NLN: variants seen among roughly 807,000 people sequenced by gnomAD.
NLN encodes the protein neurolysin, mitochondrial.
In NLN, 64 loss-of-function variants were observed where a neutral mutation model predicts 79.9. That is an observed-to-expected ratio of 0.80 (90% confidence interval 0.65 to 0.99). The LOEUF is 0.99. NLN is among the 50% of genes least tolerant of loss of function. The probability of loss-of-function intolerance (pLI) is 0.00; values close to 1 mark genes in which losing one functional copy is unlikely to be tolerated. For missense variants in NLN, 835 were observed against 858.7 expected (o/e 0.97, Z 0.34); for synonymous variants, 267 against 296.6 (o/e 0.90, Z 1.02).
Position 65,747,393 on chromosome 5 carries a change from C to A in NLN, c.42-11174C>A, listed in dbSNP as rs538966193. ...GATATAATAGTATCAAAACCCATAG[C>A]TCTGTTCAGAGCCTGCTATGAGAAT... On this transcript the variant is annotated intron_variant, in intron 1 of 12. Transcript: ENST00000380985. Among the ~76,000 whole-genome samples the A allele has an allele frequency of 4.6e-5, 7 of 152,296 alleles. No individual in the cohort carries two copies. The South Asian group carries it at 1.4e-3, about 32-fold the overall frequency.
chr5:65,793,818 C>T (rs1227362390), intron 9 of NLN, among the ~76,000 whole-genome samples: 1 of 152,006 alleles, frequency 6.6e-6, no homozygotes, highest in Non-Finnish European at 1.5e-5. Context: ...ATAAGGATTG[C>T]CTGTATACCC....
chr5:65,788,028 A>C, intron 7 of NLN, 90 bp from the exon 8 acceptor site: 1 of 1,285,904 alleles, frequency 7.8e-7, no homozygotes, highest in Non-Finnish European at 1.1e-6. Flanking sequence ...ACTGCAAAGG[A>C]GGAAGCACCA....
At chr5:65,799,090 C>G (rs1760228490) in intron 9 of NLN, among the ~76,000 whole-genome samples, 1 of 152,154 alleles carries the variant, frequency 6.6e-6, no homozygotes, top group Admixed American at 6.6e-5. Flanking sequence ...CCATGTTGCC[C>G]AGGCTGATCT....
intron 3 of NLN, among the ~76,000 whole-genome samples, chr5:65,770,524 G>A (rs995005964): frequency 6.6e-6 from 1 of 152,200 alleles, no homozygotes; most frequent in African/African-American, 2.4e-5. Flanking sequence ...ACAATGCCAA[G>A]TTATCTTTGT....
intron 12 of NLN, among the ~76,000 whole-genome samples, chr5:65,812,947 C>A (rs146180693): frequency 1.3e-5 from 2 of 152,302 alleles, no homozygotes; most frequent in East Asian, 3.9e-4. Context: ...GCCAGACAAA[C>A]CTTCCTGATT....
chr5:65,809,664 G>A lies in NLN; in HGVS notation c.1677G>A (p.Leu559=). 6.2e-7 allele frequency: 1 copy of A among 1,611,190 alleles called. No individual in the cohort carries two copies. Among genetic ancestry groups the A allele is most frequent in the Non-Finnish European group, 8.5e-7 (1 of 1,179,262 alleles). Residue 559 remains leucine (L), a synonymous_variant, in exon 10 of 13, where the codon CTG becomes CTA. Coordinates refer to ENST00000380985, the MANE Select transcript of NLN (RefSeq NM_020726.5). The part of the protein sequence containing the change: ...YKDGSPIADD[L]LEKLVASRLV... ...ATGGAAGCCCTATTGCAGACGATCT[G>A]CTTGAAAAACTTGTTGCTTCTAGGC...
At chr5:65,739,740 GC>G (rs1210835577) in intron 1 of NLN, among the ~76,000 whole-genome samples, 3 of 152,020 alleles carry the variant, frequency 2.0e-5, no homozygotes, top group South Asian at 4.1e-4. Context: ...GTTTTAATTT[GC>G]ATTTCCCTAA....
rs188034080 is a variant in NLN at position 65,812,156 on chromosome 5, C to T, written c.1844-99C>T. ...GTGAGATCATGTCATTCATTCTCTC[C>T]TCCCACAGCTGGCCTCCTCAGAGGG... On this transcript the variant is annotated intron_variant, in intron 11 of 12. Transcript: ENST00000380985. 59 of 937,238 alleles carry T rather than the reference C, an allele frequency of 6.3e-5. No individual in the cohort carries two copies. The African/African-American group carries it at 8.8e-4, about 14-fold the overall frequency. The allele number at this position is 937,238 out of a possible 1,614,324, so 58.1% of individuals were successfully genotyped here.
chr5:65,758,501 C>G, intron 1 of NLN, 66 bp from the exon 2 acceptor site: 5 of 1,050,674 alleles, frequency 4.8e-6, no homozygotes, highest in Non-Finnish European at 4.2e-6. Context: ...TTATAATGCA[C>G]ATTCATATGT....
At chr5:65,781,811 C>T (rs1475845871) in intron 6 of NLN, among the ~76,000 whole-genome samples, 1 of 152,178 alleles carries the variant, frequency 6.6e-6, no homozygotes. Context: ...CCATGAGGAC[C>T]CTTTTTTCCT....
intron 1 of NLN, among the ~76,000 whole-genome samples, chr5:65,745,609 G>T (rs1048189767): frequency 6.6e-6 from 1 of 152,190 alleles, no homozygotes; most frequent in African/African-American, 2.4e-5. Flanking sequence ...TCTTGCAAAG[G>T]CCTGAGGAGA....
In NLN at chr5:65,810,860, C is replaced by T. The variant is rs1760529214; in HGVS notation, c.1843+695C>T. 1.3e-5 allele frequency among the ~76,000 whole-genome samples: 2 copies of T among 152,034 alleles called. 1 individual carries two copies. On this transcript the variant is annotated intron_variant, in intron 11 of 12. Transcript: ENST00000380985. ...AGGTGTGGTGGTGTATACCTACAGT[C>T]CTAGCTACCCAGGGGGCTGAGTTGA... is the stretch of plus-strand genomic sequence containing the variant.
chr5:65,798,435 A>G (rs1760214067), intron 9 of NLN, among the ~76,000 whole-genome samples: 1 of 152,206 alleles, frequency 6.6e-6, no homozygotes. Flanking sequence ...TCCTAAGTTT[A>G]TTAAATGACA....
At position 65,755,378 on chromosome 5, in the gene NLN, T is replaced by C. The variant is rs561336354; in HGVS notation, c.42-3189T>C. 2.2e-4 allele frequency among the ~76,000 whole-genome samples: 34 copies of C among 152,334 alleles called. No individual in the cohort carries two copies. The South Asian group carries it at 6.6e-3, about 30-fold the overall frequency. ...TATAAACTACACCTATAATGCATCATCTTTGATTTCCAGTTTCAGCTTCTC... is the reference window on the plus strand; with the variant it reads ...TATAAACTACACCTATAATGCATCACCTTTGATTTCCAGTTTCAGCTTCTC... On this transcript the variant is annotated intron_variant, in intron 1 of 12. Coordinates refer to ENST00000380985, the MANE Select transcript of NLN (RefSeq NM_020726.5).
At chr5:65,748,354 A>G (rs1759030564) in intron 1 of NLN, among the ~76,000 whole-genome samples, 1 of 152,212 alleles carries the variant, frequency 6.6e-6, no homozygotes, top group Non-Finnish European at 1.5e-5. Context: ...GAAGCTGAAA[A>G]CATAGAAGGT....
rs1281775726 is a variant in NLN at position 65,792,852 on chromosome 5, CCAGTGAAAGATGTTTGTTGAATAA to C, written c.1527+201_1527+224del. The C allele has an allele frequency of 7.7e-6, 5 of 646,290 alleles. No individual in the cohort carries two copies. The African/African-American group carries it at 8.9e-5, about 12-fold the overall frequency. The allele number at this position is 646,290 out of a possible 1,614,324, so 40.0% of individuals were successfully genotyped here. On this transcript the variant is annotated intron_variant, in intron 9 of 12. Coordinates refer to ENST00000380985, the MANE Select transcript of NLN (RefSeq NM_020726.5). ...ATATTTTTACTTGGAGGTTCATCTACCAGTGAAAGATGTTTGTTGAATAACAGCCTATGGAAAAAGAATAAGACT... is the reference window on the plus strand; with the variant it reads ...ATATTTTTACTTGGAGGTTCATCTACCAGCCTATGGAAAAAGAATAAGACT...
chr5:65,728,557 AT>A (rs1378792563), intron 1 of NLN, among the ~76,000 whole-genome samples: 1 of 152,180 alleles, frequency 6.6e-6, no homozygotes, highest in Non-Finnish European at 1.5e-5. Flanking sequence ...TTTCTCCCAA[AT>A]TATAACCTTA....
intron 9 of NLN, among the ~76,000 whole-genome samples, chr5:65,799,827 A>G (rs767628150): frequency 1.3e-5 from 2 of 152,164 alleles, no homozygotes; most frequent in Non-Finnish European, 2.9e-5. Flanking sequence ...TATTACTATT[A>G]TTTCCAGTGA....
chr5:65,764,664 T>G (rs1216436231), intron 3 of NLN, among the ~76,000 whole-genome samples: 1 of 152,206 alleles, frequency 6.6e-6, no homozygotes, highest in Non-Finnish European at 1.5e-5. Context: ...ATTTGTGTCT[T>G]TATTTGAGCT....
Sources: gnomAD v4.1 joint callset for allele counts (sites outside exome capture counted in the v4.1 genomes callset) on GRCh38, gnomAD v4.1.1 for gene constraint, MANE v1.5 for transcripts, NCBI Gene and HGNC (gene_info 2026-07-23, HGNC 2026-07-21) for gene names.